The following PTPRA variants were observed in gnomAD, a reference collection of about 807,000 sequenced individuals.
PTPRA encodes the protein receptor-type tyrosine-protein phosphatase alpha.
Under a neutral mutation model 104.8 loss-of-function variants are expected in PTPRA, and 25 were observed. The ratio of observed to expected loss-of-function variants is 0.24; its 90% CI spans 0.17 to 0.33. The LOEUF (loss-of-function observed/expected upper bound fraction) is 0.33. Ranked by LOEUF, PTPRA falls within the 10% of genes least tolerant of loss-of-function variation. The pLI is 1.00. For synonymous variants in PTPRA, 323 were observed against 368.9 expected, an observed-to-expected ratio of 0.88 and a Z score of 1.43; for missense variants, 765 against 1,015.3, an observed-to-expected ratio of 0.75 and a Z score of 3.35.
intron 3 of PTPRA, among the ~76,000 whole-genome samples, chr20:2,953,709 G>A (rs2061432735): frequency 6.6e-6 from 1 of 151,026 alleles, no homozygotes; most frequent in Admixed American, 6.6e-5. Context: ...CTGGGTTCAA[G>A]CACTTCTCCT....
intron 2 of PTPRA, among the ~76,000 whole-genome samples, chr20:2,928,119 T>TTTG (rs556603510): frequency 2.2e-4 from 33 of 151,988 alleles, no homozygotes; most frequent in East Asian, 7.8e-4. Flanking sequence ...GTATCCGTTT[T>TTTG]TTGTTGTTGT....
chr20:3,030,369 G>A (rs2065375831), intron 20 of PTPRA, among the ~76,000 whole-genome samples: 2 of 152,212 alleles, frequency 1.3e-5, no homozygotes, highest in Admixed American at 6.5e-5. Flanking sequence ...GAAGCAGACA[G>A]TAGTGCTTGC....
At chr20:3,012,306 C>G (rs2064212138) in intron 11 of PTPRA, among the ~76,000 whole-genome samples, 1 of 152,152 alleles carries the variant, frequency 6.6e-6, no homozygotes, top group South Asian at 2.1e-4. Flanking sequence ...ATTGCAATAG[C>G]AGGTAGATCA....
At chr20:2,933,673 G>A (rs1203538969) in intron 2 of PTPRA, among the ~76,000 whole-genome samples, 1 of 151,914 alleles carries the variant, frequency 6.6e-6, no homozygotes, top group South Asian at 2.1e-4. Flanking sequence ...GTTGGCTAGG[G>A]TGGTCTCAAA....
intron 10 of PTPRA, among the ~76,000 whole-genome samples, chr20:3,006,498 A>G (rs1267333046): frequency 6.6e-6 from 1 of 152,220 alleles, no homozygotes; most frequent in African/African-American, 2.4e-5. Context: ...TTTATATTTC[A>G]GGGTATATCA....
At chr20:3,010,746 C>T (rs1435459905) in intron 11 of PTPRA, among the ~76,000 whole-genome samples, 1 of 152,236 alleles carries the variant, frequency 6.6e-6, no homozygotes, top group Non-Finnish European at 1.5e-5. Context: ...GGAATCCTCC[C>T]CACCACCCTG....
At position 3,032,086 on chromosome 20, in the gene PTPRA, C is replaced by T. The variant is rs558378690; in HGVS notation, c.1921-3499C>T. On this transcript the variant is annotated intron_variant, in intron 20 of 23. Transcript: ENST00000399903. ...ATCTGCTCTTGCCTGTCCCATCATA[C>T]TCACACCTTAGCTTGTGACCTGGCC... Among the ~76,000 whole-genome samples the T allele has an allele frequency of 3.5e-4, 53 of 152,316 alleles. 1 individual carries two copies. The East Asian group carries it at 0.01, about 29-fold the overall frequency.
chr20:2,943,447 A>T (rs2147690837), intron 2 of PTPRA, among the ~76,000 whole-genome samples: 1 of 152,112 alleles, frequency 6.6e-6, no homozygotes, highest in Middle Eastern at 3.4e-3. Context: ...TGCTATTCAG[A>T]CCTTCAGTTG....
rs1428719968 is a variant in PTPRA, at chr20:3,022,745, T to C, written c.1385T>C (p.Met462Thr). The C allele has an allele frequency of 6.2e-7, 1 of 1,614,170 alleles. No homozygotes were observed. Among genetic ancestry groups the C allele is most frequent in the Non-Finnish European group, 8.5e-7 (1 of 1,180,030 alleles). ...FVVIDAMLDM[M>T]HTERKVDVYG... ...GTCATTGATGCCATGCTGGACATGA[T>C]GCATACAGAACGGAAGGTGGACGTG... Residue 462 changes from methionine to threonine, a missense_variant, in exon 16 of 24, where the codon ATG becomes ACG. This residue lies in a region of PTPRA where 245 missense variants were observed against 398.7 expected (regional missense o/e 0.61). Coordinates refer to ENST00000399903, the MANE Select transcript of PTPRA (RefSeq NM_001385305.1). This position sits in a 1 kb window ranked among gnomAD's most constrained non-coding sequence, Gnocchi z 4.6.
intron 2 of PTPRA, among the ~76,000 whole-genome samples, chr20:2,945,430 G>A (rs2061087035): frequency 6.6e-6 from 1 of 152,174 alleles, no homozygotes; most frequent in East Asian, 1.9e-4. Context: ...TTTTAAGCAG[G>A]GCTGTAGTCC....
intron 9 of PTPRA, among the ~76,000 whole-genome samples, chr20:3,001,261 G>A (rs757919669): frequency 1.3e-5 from 2 of 152,184 alleles, no homozygotes; most frequent in Non-Finnish European, 2.9e-5. Flanking sequence ...TGCATCTAGC[G>A]CTGTGTTCTC....
intron 20 of PTPRA, among the ~76,000 whole-genome samples, chr20:3,031,052 A>G (rs2065429847): frequency 6.6e-6 from 1 of 152,134 alleles, no homozygotes; most frequent in African/African-American, 2.4e-5. Context: ...AGCTTGGACC[A>G]TCATCAGCCT....
chr20:3,027,801 G>C lies in PTPRA; in HGVS notation c.1880G>C (p.Cys627Ser), dbSNP rs372424752. Residue 627 changes from cysteine (C) to serine (S), a missense_variant, in exon 20 of 24, where the codon TGC (cysteine) becomes TCC (serine). Coordinates refer to ENST00000399903, the MANE Select transcript of PTPRA (RefSeq NM_001385305.1). ...CGAATGATCTGGGAGTGGAAATCCT[G>C]CTCTATCGTGATGCTAACAGAACTG... The part of the protein sequence containing the change: ...FWRMIWEWKS[C>S]SIVMLTELEE... The C allele has an allele frequency of 2.5e-6, 4 of 1,614,214 alleles. No individual in the cohort carries two copies. The highest frequency in any genetic ancestry group is 3.4e-6 in the Non-Finnish European group (4 of 1,180,040).
Position 3,022,316 on chromosome 20 carries a change from C to A in PTPRA, c.1328+96C>A. The A allele has an allele frequency of 6.8e-7, 1 of 1,461,404 alleles. No homozygotes were observed. Among genetic ancestry groups the A allele is most frequent in the Non-Finnish European group, 9.4e-7 (1 of 1,069,180 alleles). 90.5% of individuals were successfully genotyped at this position (1,461,404 alleles called of 1,614,324 possible). On this transcript the variant is annotated intron_variant, in intron 15 of 23. Transcript: ENST00000399903. This position sits in a 1 kb window ranked among gnomAD's most constrained non-coding sequence, Gnocchi z 4.6. ...CAAGGGCCCTGGCTGAGGAGGCTGG[C>A]ACAGAGTAGATGACCTACTGGGGCA...
At chr20:2,990,104 C>T (rs552352508) in intron 9 of PTPRA, among the ~76,000 whole-genome samples, 1 of 152,262 alleles carries the variant, frequency 6.6e-6, no homozygotes, top group Non-Finnish European at 1.5e-5. Flanking sequence ...TTAGGGGTTA[C>T]AGGTGTTAAT....
At chr20:3,018,535 T>C (rs985100461) in intron 13 of PTPRA, among the ~76,000 whole-genome samples, 16 of 151,726 alleles carry the variant, frequency 1.1e-4, no homozygotes, top group African/African-American at 3.9e-4. Context: ...GAGCACAGGG[T>C]TGGGGGTAAG....
rs896729592 is a variant in PTPRA, at chr20:3,035,245, A to G, written c.1921-340A>G. Among the ~76,000 whole-genome samples, 1 of 152,228 alleles carries G rather than the reference A, an allele frequency of 6.6e-6. No individual in the cohort carries two copies. Among genetic ancestry groups the G allele is most frequent in the Non-Finnish European group, 1.5e-5 (1 of 68,040 alleles). On this transcript the variant is annotated intron_variant, in intron 20 of 23. Transcript: ENST00000399903. This position sits in a 1 kb window ranked among gnomAD's most constrained non-coding sequence, Gnocchi z 5.8. ...TAGCAGTCTGGCGGATGTAAGCAGC[A>G]TTAAATATGAAAACACCCCATGGGA... is the stretch of plus-strand genomic sequence containing the variant.
intron 1 of PTPRA, among the ~76,000 whole-genome samples, chr20:2,915,458 GAA>G (rs1757258072): frequency 1.4e-5 from 2 of 145,512 alleles, no homozygotes; most frequent in Non-Finnish European, 3.0e-5. Flanking sequence ...AAATTGGGGG[GAA>G]GTTGTCTTTT....
the PTPRA span, chr20:2,865,598 C>G: frequency 5.7e-6 from 6 of 1,047,962 alleles, no homozygotes; most frequent in Non-Finnish European, 8.3e-6. The surrounding 1 kb of genome is among the most constrained non-coding windows in gnomAD (Gnocchi z 5.2). Context: ...TGCTCCTGTT[C>G]AGCTGCCCGC....
Sources: gnomAD v4.1 joint callset for allele counts (sites outside exome capture counted in the v4.1 genomes callset) on GRCh38, gnomAD v4.1.1 for gene constraint, gnomAD v4.1.1 regional missense constraint, Gnocchi (gnomAD v3.1) non-coding constraint, MANE v1.5 for transcripts, NCBI Gene and HGNC (gene_info 2026-07-23, HGNC 2026-07-21) for gene names.